Variants in APBA1 observed in about 807,000 individuals in gnomAD.
APBA1 encodes the protein amyloid-beta A4 precursor protein-binding family A member 1.
In APBA1, 55 loss-of-function variants were observed where a neutral mutation model predicts 86.6. The ratio of observed to expected loss-of-function variants is 0.64; its 90% CI spans 0.51 to 0.80. The LOEUF is 0.80. Among genes scored for constraint, APBA1 ranks in the 30% least tolerant of loss-of-function variants. The pLI is 0.00. For synonymous variants in APBA1, 511 were observed against 493.9 expected (o/e 1.03, Z -0.46); for missense variants, 1,090 against 1,183.0 (o/e 0.92, Z 1.15).
chr9:69,429,957 A>T lies in APBA1; in HGVS notation c.*1370T>A, dbSNP rs549378360. On this transcript the variant is annotated 3_prime_UTR_variant, in exon 13 of 13. Transcript: ENST00000265381. The stretch of plus-strand genomic sequence containing the variant: ...AAAACTGGCTCAGAATTATAATATT[A>T]CTAAAACATCTACACTGAACTGAGA... 6.6e-6 allele frequency: 1 copy of T among 152,022 alleles called. No individual in the cohort carries two copies. The highest frequency in any genetic ancestry group is 1.5e-5 in the Non-Finnish European group (1 of 67,998). The allele number at this position is 152,022 out of a possible 1,614,324, so 9.4% of individuals were successfully genotyped here.
At chr9:69,626,941 T>G (rs1389887575) in intron 1 of APBA1, among the ~76,000 whole-genome samples, 1 of 152,102 alleles carries the variant, frequency 6.6e-6, no homozygotes, top group African/African-American at 2.4e-5. Context: ...GAGTTATTAT[T>G]TTAAATAATA....
chr9:69,573,648 ATAGC>A (rs1837150775), intron 1 of APBA1, among the ~76,000 whole-genome samples: 1 of 152,214 alleles, frequency 6.6e-6, no homozygotes, highest in African/African-American at 2.4e-5. Flanking sequence ...AACCCACTAA[ATAGC>A]TAGTATTCAT....
chr9:69,453,029 TAATC>T (rs1835038277), intron 8 of APBA1, among the ~76,000 whole-genome samples: 1 of 152,248 alleles, frequency 6.6e-6, no homozygotes, highest in African/African-American at 2.4e-5. Flanking sequence ...CATCCAAGCT[TAATC>T]AAGTAGGCAT....
intron 10 of APBA1, 91 bp downstream of exon 10, chr9:69,449,493 T>C: frequency 8.4e-7 from 1 of 1,185,910 alleles, no homozygotes; most frequent in Non-Finnish European, 1.2e-6. Context: ...ACACTTTGAA[T>C]ATGTTCATAT....
intron 1 of APBA1, among the ~76,000 whole-genome samples, chr9:69,613,093 A>T (rs1193542670): frequency 6.6e-6 from 1 of 152,126 alleles, no homozygotes; most frequent in Admixed American, 6.5e-5. Flanking sequence ...TTATGAAAAA[A>T]ATTTGTGTGT....
chr9:69,576,362 T>C (rs1367430991), intron 1 of APBA1, among the ~76,000 whole-genome samples: 3 of 152,204 alleles, frequency 2.0e-5, no homozygotes, highest in Admixed American at 6.5e-5. Flanking sequence ...ACTGGGTATA[T>C]ACTAAAGGAT....
intron 1 of APBA1, among the ~76,000 whole-genome samples, chr9:69,574,851 C>T (rs979958256): frequency 1.3e-5 from 2 of 152,182 alleles, no homozygotes; most frequent in African/African-American, 4.8e-5. Flanking sequence ...GGTAGAGCAG[C>T]ACAGGGAGAC....
intron 5 of APBA1, among the ~76,000 whole-genome samples, chr9:69,465,928 C>A (rs1835271048): frequency 1.3e-5 from 2 of 152,202 alleles, no homozygotes; most frequent in Non-Finnish European, 2.9e-5. Context: ...GGATCCCTGA[C>A]ACACGGAAGG....
At chr9:69,638,490 C>A (rs968852216) in intron 1 of APBA1, among the ~76,000 whole-genome samples, 31 of 152,326 alleles carry the variant, frequency 2.0e-4, no homozygotes, top group Non-Finnish European at 3.4e-4. Context: ...ATCTGTCCAC[C>A]TCGACCTCCC....
At chr9:69,633,031 C>T (rs905168579) in intron 1 of APBA1, among the ~76,000 whole-genome samples, 6 of 151,880 alleles carry the variant, frequency 4.0e-5, no homozygotes, top group African/African-American at 1.5e-4. Flanking sequence ...TCCTGCCAGG[C>T]TGCCCTCCCT....
At chr9:69,495,231 C>T (rs1835776537) in intron 2 of APBA1, among the ~76,000 whole-genome samples, 1 of 152,102 alleles carries the variant, frequency 6.6e-6, no homozygotes, top group Non-Finnish European at 1.5e-5. Context: ...GTACTAACTC[C>T]TACCGTCAAG....
chr9:69,624,014 A>AT (rs1349636526), intron 1 of APBA1, among the ~76,000 whole-genome samples: 5 of 152,086 alleles, frequency 3.3e-5, no homozygotes, highest in East Asian at 1.9e-4. Context: ...ATCATAATCC[A>AT]TTTTTTTCCA....
At chr9:69,437,372 C>G (rs1834746459) in intron 11 of APBA1, among the ~76,000 whole-genome samples, 1 of 147,690 alleles carries the variant, frequency 6.8e-6, no homozygotes, top group African/African-American at 2.6e-5. Flanking sequence ...CTCCTTGTAC[C>G]TCTGGTAGAA....
intron 1 of APBA1, among the ~76,000 whole-genome samples, chr9:69,660,833 T>C (rs1823739733): frequency 6.6e-6 from 1 of 151,716 alleles, no homozygotes; most frequent in Non-Finnish European, 1.5e-5. Flanking sequence ...AAAAAATGAG[T>C]GTGTGGGTGG....
chr9:69,520,024 A>G (rs1039039596), intron 1 of APBA1, among the ~76,000 whole-genome samples: 2 of 152,202 alleles, frequency 1.3e-5, no homozygotes, highest in Non-Finnish European at 2.9e-5. Flanking sequence ...ACCCCCATCC[A>G]CAGACCTCAC....
At chr9:69,630,201 A>G (rs1823013621) in intron 1 of APBA1, among the ~76,000 whole-genome samples, 1 of 152,090 alleles carries the variant, frequency 6.6e-6, no homozygotes, top group Non-Finnish European at 1.5e-5. Flanking sequence ...GGAACCAAAA[A>G]TGCAAAGGTG....
Position 69,516,201 on chromosome 9 carries a change from C to A in APBA1, c.1010G>T (p.Arg337Leu), listed in dbSNP as rs750949378. 1 of 1,541,710 alleles carries A rather than the reference C, an allele frequency of 6.5e-7. No individual in the cohort carries two copies. Among genetic ancestry groups the A allele is most frequent in the Non-Finnish European group, 8.7e-7 (1 of 1,143,642 alleles). ...GPAGGGEAGQ[R>L]YSKEKRDAIS... ...GGCATCGCGCTTCTCCTTGCTGTAC[C>A]GCTGCCCCGCCTCGCCGCCGCCCGC... is the stretch of plus-strand genomic sequence containing the variant. The change falls in exon 2 of 13, where the codon CGG (arginine) becomes CTG (leucine). Residue 337 changes from arginine to leucine, a missense_variant. Around this residue, in one of 6 missense-constraint regions of APBA1, gnomAD observed 678 missense variants for 647.1 expected, o/e 1.05. Coordinates refer to ENST00000265381, the MANE Select transcript of APBA1 (RefSeq NM_001163.4). The surrounding 1 kb of genome is among the most constrained non-coding windows in gnomAD (Gnocchi z 7.3).
At chr9:69,519,150 A>G (rs1408119671) in intron 1 of APBA1, among the ~76,000 whole-genome samples, 2 of 152,254 alleles carry the variant, frequency 1.3e-5, no homozygotes, top group Non-Finnish European at 2.9e-5. Context: ...AAAAGCAAGT[A>G]TGAATCTCCC....
chr9:69,474,583 A>C lies in APBA1; in HGVS notation c.1296+1465T>G, dbSNP rs181681365. ...TCTCACCCAACCATGTGATATAAGA[A>C]TGAAGCAAACTGTGGAACGGTGGGA... is the stretch of plus-strand genomic sequence containing the variant. On this transcript the variant is annotated intron_variant, in intron 3 of 12. Transcript: ENST00000265381. Among the ~76,000 whole-genome samples, 768 of 152,342 alleles carry C rather than the reference A, an allele frequency of 5.0e-3. 8 individuals are homozygous for C. Among genetic ancestry groups the C allele is most frequent in the African/African-American group, 0.017 (725 of 41,584 alleles).
Sources: allele counts gnomAD v4.1 joint callset (sites outside exome capture counted in the v4.1 genomes callset), GRCh38; gene constraint gnomAD v4.1.1; regional missense constraint gnomAD v4.1.1; non-coding constraint Gnocchi (gnomAD v3.1); transcripts MANE v1.5; gene names NCBI Gene and HGNC (gene_info 2026-07-23, HGNC 2026-07-21).